The following MTUS2 variants were observed in gnomAD, a reference collection of about 807,000 sequenced individuals.
The protein encoded by MTUS2 is microtubule associated scaffold protein 2, also known as microtubule-associated tumor suppressor candidate 2.
MTUS2 carries 40 observed loss-of-function variants against 114.1 expected under a neutral mutation model. That is an observed-to-expected ratio of 0.35 (90% CI 0.27 to 0.46). MTUS2 has a LOEUF of 0.46. Ranked by LOEUF, MTUS2 falls within the 20% of genes least tolerant of loss-of-function variation. The pLI is 1.00. For missense variants in MTUS2, 1,679 were observed against 1,705.4 expected (o/e 0.98, Z 0.27); for synonymous variants, 688 against 672.0 (o/e 1.02, Z -0.37).
At chr13:29,315,196 A>G (rs1899935806) in intron 6 of MTUS2, among the ~76,000 whole-genome samples, 1 of 152,218 alleles carries the variant, frequency 6.6e-6, no homozygotes, top group Non-Finnish European at 1.5e-5. Context: ...ACAATAAGAG[A>G]TGAGTTAATG....
At chr13:29,489,215 T>G (rs1293882179) in intron 11 of MTUS2, among the ~76,000 whole-genome samples, 1 of 152,244 alleles carries the variant, frequency 6.6e-6, no homozygotes, top group African/African-American at 2.4e-5. Context: ...GAGGTTGCAG[T>G]GAGTCAAGAT....
intron 8 of MTUS2, among the ~76,000 whole-genome samples, chr13:29,373,675 A>G (rs1395100415): frequency 2.0e-5 from 3 of 152,238 alleles, no homozygotes; most frequent in African/African-American, 7.2e-5. Flanking sequence ...AAACGGAGCT[A>G]ACTTTGGAAG....
At chr13:29,006,261 T>C (rs909042230) in intron 2 of MTUS2, among the ~76,000 whole-genome samples, 2 of 152,174 alleles carry the variant, frequency 1.3e-5, no homozygotes, top group Non-Finnish European at 2.9e-5. Flanking sequence ...CAGATGCTGT[T>C]AGGAACACAT....
chr13:29,484,795 G>A (rs1881472638), intron 10 of MTUS2: 2 of 152,236 alleles, frequency 1.3e-5, no homozygotes, highest in South Asian at 4.1e-4. Context: ...TCTTCTCTAA[G>A]TGACTTGCCA....
chr13:29,137,672 A>G (rs1431087909), intron 5 of MTUS2, among the ~76,000 whole-genome samples: 1 of 151,340 alleles, frequency 6.6e-6, no homozygotes, highest in East Asian at 1.9e-4. Context: ...GCTGGAGTAC[A>G]GTGGCGTGAT....
intron 2 of MTUS2, among the ~76,000 whole-genome samples, chr13:29,004,467 T>C (rs898369579): frequency 6.6e-6 from 1 of 152,176 alleles, no homozygotes; most frequent in Non-Finnish European, 1.5e-5. Context: ...ACAATTCTGG[T>C]CTTTAAGTGA....
At chr13:29,158,358 C>CCCCCCCTCTTCTTT in intron 5 of MTUS2, among the ~76,000 whole-genome samples, 1 of 32,048 alleles carries the variant, frequency 3.1e-5, no homozygotes, top group Non-Finnish European at 5.1e-5. Context: ...GTCCACCCCG[C>CCCCCCCTCTTCTTT]TTTTTTTTTT....
chr13:28,820,872 A>T (rs1237718625), intron 1 of MTUS2, among the ~76,000 whole-genome samples: 1 of 152,222 alleles, frequency 6.6e-6, no homozygotes, highest in African/African-American at 2.4e-5. Flanking sequence ...TTGGTAGGTT[A>T]GTTAAGGCGA....
At chr13:28,863,025 A>G (rs1877086994) in intron 2 of MTUS2, among the ~76,000 whole-genome samples, 1 of 152,204 alleles carries the variant, frequency 6.6e-6, no homozygotes. Context: ...ATCAAAATGA[A>G]GAAATTATAG....
chr13:29,093,963 A>G (rs1050354275), intron 4 of MTUS2, among the ~76,000 whole-genome samples: 13 of 152,288 alleles, frequency 8.5e-5, no homozygotes, highest in Non-Finnish European at 1.8e-4. Context: ...ATCTGAATCA[A>G]TTAAGAAGAT....
chr13:29,328,025 T>C (rs572998359), intron 7 of MTUS2, among the ~76,000 whole-genome samples: 1 of 152,348 alleles, frequency 6.6e-6, no homozygotes, highest in Admixed American at 6.5e-5. Flanking sequence ...GTTTGACAGC[T>C]GTATATGTTC....
chr13:29,071,270 G>A (rs1888912980), intron 4 of MTUS2, among the ~76,000 whole-genome samples: 1 of 151,624 alleles, frequency 6.6e-6, no homozygotes, highest in Non-Finnish European at 1.5e-5. Context: ...AAAGTGCTGG[G>A]ATTACAGGTG....
In MTUS2 at chr13:29,026,727, C is replaced by T. The variant is rs1886575136; in HGVS notation, c.2029C>T (p.Pro677Ser). ...ATATGCCCCGCCCACATGTACCATGCCTCTTCCCCACGAAGAGAAGGCAGC... is the reference window on the plus strand; with the variant it reads ...ATATGCCCCGCCCACATGTACCATGTCTCTTCCCCACGAAGAGAAGGCAGC... ...LPYAPPTCTM[P>S]LPHEEKAAGG... is the part of the protein sequence containing the mutation. Residue 677 changes from proline (P) to serine (S), a missense_variant, in exon 3 of 16, where the codon CCT becomes TCT. Transcript: ENST00000612955. The T allele has an allele frequency of 2.5e-6, 4 of 1,613,840 alleles. No homozygotes were observed. The South Asian group carries it at 3.3e-5, about 13-fold the overall frequency.
At chr13:29,339,096 G>A (rs555936709) in intron 7 of MTUS2, among the ~76,000 whole-genome samples, 15 of 152,260 alleles carry the variant, frequency 9.9e-5, no homozygotes, top group East Asian at 1.9e-4. Context: ...CTGGGTGTGC[G>A]CAGAGGTACA....
chr13:29,365,458 A>G (rs1204937385), intron 8 of MTUS2, among the ~76,000 whole-genome samples: 1 of 148,902 alleles, frequency 6.7e-6, no homozygotes, highest in Non-Finnish European at 1.5e-5. Flanking sequence ...TAATTGCCCC[A>G]TTCAGCTCAT....
At chr13:28,989,606 C>T (rs1821062457) in intron 2 of MTUS2, among the ~76,000 whole-genome samples, 1 of 152,236 alleles carries the variant, frequency 6.6e-6, no homozygotes, top group South Asian at 2.1e-4. Context: ...GTCTTCTGCT[C>T]CAGCAGTCCT....
chr13:28,957,846 C>A (rs1271004153), intron 2 of MTUS2, among the ~76,000 whole-genome samples: 1 of 152,202 alleles, frequency 6.6e-6, no homozygotes, highest in Admixed American at 6.5e-5. Context: ...TGTGCATGAA[C>A]CCTGCAATAT....
At chr13:28,880,386 A>C (rs1878217100) in intron 2 of MTUS2, among the ~76,000 whole-genome samples, 2 of 152,194 alleles carry the variant, frequency 1.3e-5, no homozygotes, top group South Asian at 4.1e-4. Flanking sequence ...GAATAAAGCA[A>C]AGCATGAATC....
At chr13:28,992,970 A>G (rs1884930309) in intron 2 of MTUS2, among the ~76,000 whole-genome samples, 1 of 152,136 alleles carries the variant, frequency 6.6e-6, no homozygotes, top group African/African-American at 2.4e-5. Context: ...GTGGAATCAT[A>G]CAGTATTTGT....
Sources: gnomAD v4.1 joint callset for allele counts (sites outside exome capture counted in the v4.1 genomes callset) on GRCh38, gnomAD v4.1.1 for gene constraint, MANE v1.5 for transcripts, NCBI Gene and HGNC (gene_info 2026-07-23, HGNC 2026-07-21) for gene names.